The following STUM variants were observed in gnomAD, a reference collection of about 807,000 sequenced individuals.
The protein encoded by STUM is stum, mechanosensory transduction mediator homolog, also known as protein stum homolog.
A neutral mutation model predicts 15.3 loss-of-function variants in STUM; 8 were observed. That is an observed-to-expected ratio of 0.52 (90% CI 0.31 to 0.94). The LOEUF (loss-of-function observed/expected upper bound fraction) is 0.94. Among genes scored for constraint, STUM ranks in the 40% least tolerant of loss-of-function variants. STUM has a pLI of 0.05. For synonymous variants in STUM, 78 were observed against 88.7 expected (o/e 0.88, Z 0.68); for missense variants, 142 against 204.9 (o/e 0.69, Z 1.87).
intron 1 of STUM, among the ~76,000 whole-genome samples, chr1:226,571,675 T>G (rs1352296466): frequency 6.6e-6 from 1 of 151,978 alleles, no homozygotes; most frequent in African/African-American, 2.4e-5. Context: ...GTTTCACTCT[T>G]GTTGCCCAGG....
chr1:226,561,334 G>T (rs1489374151), intron 1 of STUM, among the ~76,000 whole-genome samples: 1 of 152,198 alleles, frequency 6.6e-6, no homozygotes, highest in African/African-American at 2.4e-5. Context: ...ATCAAGAGCA[G>T]GTCCTTGTTC....
intron 1 of STUM, among the ~76,000 whole-genome samples, chr1:226,551,807 A>T (rs920156501): frequency 5.3e-5 from 8 of 152,204 alleles, no homozygotes; most frequent in African/African-American, 1.9e-4. Flanking sequence ...CAGCAGGAAC[A>T]GAGTGTTGTA....
chr1:226,579,628 C>CTTTTTTTT lies in STUM; in HGVS notation c.203-17169_203-17168insTTTTTTTT, dbSNP rs772749044. Among the ~76,000 whole-genome samples, 74 of 132,078 alleles carry CTTTTTTTT rather than the reference C, an allele frequency of 5.6e-4. 10 individuals carry two copies. The highest frequency in any genetic ancestry group is 1.8e-3 in the East Asian group (8 of 4,516). The allele number at this position is 132,078 out of a possible 152,430, so 86.6% of individuals were successfully genotyped here. A position where few individuals can be genotyped will look rare whatever the true frequency, so the allele number is the denominator to read the frequency against. On this transcript the variant is annotated intron_variant, in intron 1 of 3. Coordinates refer to ENST00000366788, the MANE Select transcript of STUM (RefSeq NM_001003665.4). ...AGACCAACTTGGGAAGGCCTTATTT[C>CTTTTTTTT]TTTTTCTTTTTCTTTTTCTTTTGAG... is the stretch of plus-strand genomic sequence containing the variant.
intron 1 of STUM, among the ~76,000 whole-genome samples, chr1:226,584,655 A>G (rs1464229380): frequency 6.6e-6 from 1 of 152,210 alleles, no homozygotes; most frequent in African/African-American, 2.4e-5. Flanking sequence ...ACAACACCGT[A>G]GGATTGGGAG....
Position 226,600,582 on chromosome 1 carries a change from C to T in STUM, c.383-84C>T, listed in dbSNP as rs1266537861. 15 of 1,534,302 alleles carry T rather than the reference C, an allele frequency of 9.8e-6. No homozygotes were observed. Among genetic ancestry groups the T allele is most frequent in the Non-Finnish European group, 1.3e-5 (15 of 1,116,074 alleles). On this transcript the variant is annotated intron_variant, in intron 2 of 3. Coordinates refer to ENST00000366788, the MANE Select transcript of STUM (RefSeq NM_001003665.4). This position sits in a 1 kb window ranked among gnomAD's most constrained non-coding sequence, Gnocchi z 5.2. ...GCTTTGTTTCCTGTGCCAAGCGTTCCCTGTGGCTCTGTTTTCAGGCTGTGT... is the reference window on the plus strand; with the variant it reads ...GCTTTGTTTCCTGTGCCAAGCGTTCTCTGTGGCTCTGTTTTCAGGCTGTGT...
chr1:226,596,892 C>A lies in STUM; in HGVS notation c.293C>A (p.Ala98Glu). The stretch of plus-strand genomic sequence containing the variant: ...TGCTGCGTCTTCTGGCTGAACATTG[C>A]AGCAGCCCTCATCCAAATCCTCACT... The part of the protein sequence containing the change: ...HVCCVFWLNI[A>E]AALIQILTAI... Residue 98 changes from alanine (A) to glutamate (E), a missense_variant, in exon 2 of 4, where the codon GCA (alanine) becomes GAA (glutamate). By Grantham distance (107) the Ala-to-Glu change is moderately radical. Transcript: ENST00000366788. 1 of 1,614,196 alleles carries A rather than the reference C, an allele frequency of 6.2e-7. No homozygotes were observed. The highest frequency in any genetic ancestry group is 8.5e-7 in the Non-Finnish European group (1 of 1,179,976).
At chr1:226,568,859 C>T (rs547358758) in intron 1 of STUM, among the ~76,000 whole-genome samples, 2 of 152,260 alleles carry the variant, frequency 1.3e-5, no homozygotes, top group South Asian at 2.1e-4. Context: ...GGTGGCCTCT[C>T]TTATTCTCTA....
At position 226,552,073 on chromosome 1, in the gene STUM, C is replaced by T. The variant is rs148308847; in HGVS notation, c.202+2967C>T. ...GGGCAGTTTTTGCTGAATGAAGGCT[C>T]GTTTTTTATTTTTATTTTTTCCCTT... On this transcript the variant is annotated intron_variant, in intron 1 of 3. Transcript: ENST00000366788. The surrounding 1 kb of genome is among the most constrained non-coding windows in gnomAD (Gnocchi z 4.7). 9.2e-4 allele frequency among the ~76,000 whole-genome samples: 140 copies of T among 152,256 alleles called. No homozygotes were observed. Among genetic ancestry groups the T allele is most frequent in the Middle Eastern group, 3.4e-3 (1 of 294 alleles).
intron 1 of STUM, among the ~76,000 whole-genome samples, chr1:226,561,320 T>G (rs1287067520): frequency 6.6e-6 from 1 of 152,144 alleles, no homozygotes; most frequent in Non-Finnish European, 1.5e-5. Flanking sequence ...GTAGGAAAGG[T>G]GGAATCAAGA....
Position 226,548,823 on chromosome 1 carries a change from C to T in STUM, c.-82C>T. ...CTGAGCTCGGCGCGGAGCCCGGAGC[C>T]CGCAGCCGACAGTCTCCTGCTCCCG... On this transcript the variant is annotated 5_prime_UTR_variant, in exon 1 of 4. Coordinates refer to ENST00000366788, the MANE Select transcript of STUM (RefSeq NM_001003665.4). The T allele has an allele frequency of 8.8e-7, 1 of 1,139,130 alleles. No homozygotes were observed. The highest frequency in any genetic ancestry group is 4.4e-5 in the Admixed American group (1 of 22,802). The allele number at this position is 1,139,130 out of a possible 1,614,324, so 70.6% of individuals were successfully genotyped here. A position where few individuals can be genotyped will look rare whatever the true frequency, so the allele number is the denominator to read the frequency against.
Position 226,602,028 on chromosome 1 carries a change from ACAG to A in STUM, c.419_421del (p.Gln140del), listed in dbSNP as rs1335978618. 6 of 1,608,216 alleles carry A rather than the reference ACAG, an allele frequency of 3.7e-6. No homozygotes were observed. In the African/African-American group the frequency reaches 8.0e-5, roughly 21 times the overall value. ...CAGGCTACAAGGAGCAGGGCATCCC[ACAG>A]CAGCTGTGAGCCCACGGGAGCCGCT... On this transcript the variant is annotated inframe_deletion, in exon 4 of 4. Coordinates refer to ENST00000366788, the MANE Select transcript of STUM (RefSeq NM_001003665.4).
chr1:226,549,160 T>TG lies in STUM; in HGVS notation c.202+60dup, dbSNP rs531811184. The TG allele has an allele frequency of 2.0e-3, 2,969 of 1,485,830 alleles. 61 individuals are homozygous for TG. The African/African-American group carries it at 0.039, about 20-fold the overall frequency. The allele number at this position is 1,485,830 out of a possible 1,614,324, so 92.0% of individuals were successfully genotyped here. A position where few individuals can be genotyped will look rare whatever the true frequency, so the allele number is the denominator to read the frequency against. On this transcript the variant is annotated intron_variant, in intron 1 of 3. Coordinates refer to ENST00000366788, the MANE Select transcript of STUM (RefSeq NM_001003665.4). The surrounding 1 kb of genome is among the most constrained non-coding windows in gnomAD (Gnocchi z 6.8). ...ACCCCCACCCCGCCGCGGGAGGGCG[T>TG]GGGGGGAGAGAAGGGCGCGGCCGGA...
At chr1:226,583,073 T>C (rs192116097) in intron 1 of STUM, among the ~76,000 whole-genome samples, 7 of 152,352 alleles carry the variant, frequency 4.6e-5, no homozygotes, top group Admixed American at 1.3e-4. Context: ...TAGCCAGGGT[T>C]TGTCCATGTG....
chr1:226,562,931 T>C (rs1400716323), intron 1 of STUM, among the ~76,000 whole-genome samples: 1 of 152,228 alleles, frequency 6.6e-6, no homozygotes, highest in African/African-American at 2.4e-5. Context: ...GAGAATATCT[T>C]TGTTCTTTGG....
rs1372352059 is a variant in STUM at position 226,565,420 on chromosome 1, T to C, written c.202+16314T>C. Reference sequence around the variant, plus strand: ...CACCCCTGACTAGACTGTGGGGTCCTGAACCACCAGCCTTGGCATACTACT... The same window carrying C: ...CACCCCTGACTAGACTGTGGGGTCCCGAACCACCAGCCTTGGCATACTACT... On this transcript the variant is annotated intron_variant, in intron 1 of 3. Transcript: ENST00000366788. This position sits in a 1 kb window ranked among gnomAD's most constrained non-coding sequence, Gnocchi z 4.4. 6.6e-6 allele frequency among the ~76,000 whole-genome samples: 1 copy of C among 152,194 alleles called. No homozygotes were observed. The highest frequency in any genetic ancestry group is 1.5e-5 in the Non-Finnish European group (1 of 68,030).
chr1:226,582,793 G>C (rs1204388260), intron 1 of STUM, among the ~76,000 whole-genome samples: 1 of 152,156 alleles, frequency 6.6e-6, no homozygotes, highest in African/African-American at 2.4e-5. Flanking sequence ...TGATGGAGCT[G>C]AGGGGCCACA....
In STUM at chr1:226,573,902, T is replaced by G. The variant is rs374322560; in HGVS notation, c.203-22900T>G. On this transcript the variant is annotated intron_variant, in intron 1 of 3. Coordinates refer to ENST00000366788, the MANE Select transcript of STUM (RefSeq NM_001003665.4). ...CAGGCTGGGGTGCAGTGGTGTGATC[T>G]CAGCTCACTGCAACCTCCACCTCCT... Among the ~76,000 whole-genome samples the G allele has an allele frequency of 1.5e-4, 23 of 151,986 alleles. 1 individual carries two copies. In the South Asian group the frequency reaches 4.8e-3, roughly 32 times the overall value.
At chr1:226,585,810 T>G (rs1288694934) in intron 1 of STUM, among the ~76,000 whole-genome samples, 1 of 152,148 alleles carries the variant, frequency 6.6e-6, no homozygotes, top group Non-Finnish European at 1.5e-5. Context: ...GGTATGATTT[T>G]AAGGAGGGGA....
At chr1:226,589,719 C>CCAGGAACAGCATGCG (rs11267503) in intron 1 of STUM, among the ~76,000 whole-genome samples, 72,160 of 151,276 alleles carry the variant, frequency 0.48, 17,374 homozygotes, top group Admixed American at 0.54. Flanking sequence ...GCTGGGACCT[C>CCAGGAACAGCATGCG]CAGGAACAGC....
Sources: allele counts gnomAD v4.1 joint callset (sites outside exome capture counted in the v4.1 genomes callset), GRCh38; gene constraint gnomAD v4.1.1; non-coding constraint Gnocchi (gnomAD v3.1); transcripts MANE v1.5; gene names NCBI Gene and HGNC (gene_info 2026-07-23, HGNC 2026-07-21).